The following ARHGEF18 variants were observed in gnomAD, a reference collection of about 807,000 sequenced individuals.
ARHGEF18 encodes the protein rho guanine nucleotide exchange factor 18.
ARHGEF18 carries 93 observed loss-of-function variants against 155.7 expected under a neutral mutation model. The ratio of observed to expected loss-of-function variants is 0.60; its 90% confidence interval spans 0.50 to 0.71. ARHGEF18 has a LOEUF of 0.71. Among genes scored for constraint, ARHGEF18 ranks in the 30% least tolerant of loss-of-function variants. The pLI, the probability that ARHGEF18 is intolerant of heterozygous loss-of-function variation, is 0.00. For missense variants in ARHGEF18, 1,593 were observed against 1,816.1 expected (o/e 0.88, Z 2.23); for synonymous variants, 742 against 753.1 (o/e 0.99, Z 0.24).
Position 7,383,042 on chromosome 19 carries a change from C to A in ARHGEF18, c.826-20C>A. ...AGTGCCTGCAGAGGGCATCCTGAGA[C>A]CCACCTCTGTCCCATCCAGGGGAAG... On this transcript the variant is annotated intron_variant, in intron 9 of 28. Transcript: ENST00000668164. The A allele has an allele frequency of 8.1e-7, 1 of 1,232,406 alleles. No homozygotes were observed. The highest frequency in any genetic ancestry group is 1.0e-6 in the Non-Finnish European group (1 of 988,158). The allele number at this position is 1,232,406 out of a possible 1,614,324, so 76.3% of individuals were successfully genotyped here. A position where few individuals can be genotyped will look rare whatever the true frequency, so the allele number is the denominator to read the frequency against.
chr19:7,395,740 T>G lies in ARHGEF18; in HGVS notation c.967+12537T>G, dbSNP rs1359256372. ...AAAACCGTGAGAACTATCTGTGCCA[T>G]GGGTTTTAGTTTCTTGTATAAGAAC... On this transcript the variant is annotated intron_variant, in intron 10 of 28. Coordinates refer to ENST00000668164, the MANE Select transcript of ARHGEF18 (RefSeq NM_001367823.1). This position sits in a 1 kb window ranked among gnomAD's most constrained non-coding sequence, Gnocchi z 5.0. 1.3e-5 allele frequency among the ~76,000 whole-genome samples: 2 copies of G among 152,114 alleles called. No homozygotes were observed. Among genetic ancestry groups the G allele is most frequent in the African/African-American group, 4.8e-5 (2 of 41,446 alleles).
intron 1 of ARHGEF18, among the ~76,000 whole-genome samples, chr19:7,351,623 A>C (rs1333877972): frequency 2.0e-5 from 3 of 150,722 alleles, no homozygotes; most frequent in Admixed American, 6.6e-5. Context: ...GTGCCCAGCT[A>C]GAGTGGACTT....
chr19:7,422,482 C>A (rs574281833), intron 10 of ARHGEF18, among the ~76,000 whole-genome samples: 1 of 151,942 alleles, frequency 6.6e-6, no homozygotes, highest in South Asian at 2.1e-4. Flanking sequence ...ATCCTTCTTT[C>A]TTCTAATGAC....
At chr19:7,381,128 C>G in intron 8 of ARHGEF18, 134 bp downstream of exon 8, 1 of 610,628 alleles carries the variant, frequency 1.6e-6, no homozygotes, top group Non-Finnish European at 2.4e-6. Flanking sequence ...TGGGAGCTGG[C>G]AGGAAAGGGA....
At chr19:7,351,864 T>G (rs1174307130) in intron 1 of ARHGEF18, among the ~76,000 whole-genome samples, 1 of 151,970 alleles carries the variant, frequency 6.6e-6, no homozygotes, top group Non-Finnish European at 1.5e-5. Flanking sequence ...CTGGCTAATT[T>G]TAGTAGTTTT....
chr19:7,425,681 CAAAAA>C (rs1247648498), intron 10 of ARHGEF18, among the ~76,000 whole-genome samples: 1 of 93,968 alleles, frequency 1.1e-5, no homozygotes. Context: ...GACTCCGTCT[CAAAAA>C]AAAAAAAAAA....
downstream of ARHGEF18, chr19:7,477,346 G>A (rs766238240): frequency 9.0e-6 from 14 of 1,559,110 alleles, no homozygotes; most frequent in Admixed American, 7.8e-5. Flanking sequence ...AGTGCACGGC[G>A]TTGGCCAGGT....
intron 10 of ARHGEF18, among the ~76,000 whole-genome samples, chr19:7,412,437 G>A (rs1231295738): frequency 2.0e-5 from 3 of 151,038 alleles, no homozygotes; most frequent in East Asian, 4.0e-4. Context: ...CTTAATTTTC[G>A]GTTTTTTAAA....
At chr19:7,416,304 G>T (rs1277402127) in intron 10 of ARHGEF18, among the ~76,000 whole-genome samples, 6 of 152,030 alleles carry the variant, frequency 3.9e-5, no homozygotes, top group Admixed American at 1.3e-4. Flanking sequence ...TACTTGGGAG[G>T]CTGAGGCAGG....
At chr19:7,425,804 AGCCTGG>A (rs1973629427) in intron 10 of ARHGEF18, among the ~76,000 whole-genome samples, 1 of 152,122 alleles carries the variant, frequency 6.6e-6, no homozygotes, top group Admixed American at 6.6e-5. Context: ...GTTCAAGACC[AGCCTGG>A]GCAACATAGC....
At chr19:7,435,436 G>A (rs145340134) in intron 10 of ARHGEF18, among the ~76,000 whole-genome samples, 200 of 152,284 alleles carry the variant, frequency 1.3e-3, no homozygotes, top group African/African-American at 4.4e-3. Context: ...GGTCAGTTGA[G>A]GGACAGAGGG....
At position 7,395,626 on chromosome 19, in the gene ARHGEF18, A is replaced by G. The variant is rs1287335157; in HGVS notation, c.967+12423A>G. Among the ~76,000 whole-genome samples the G allele has an allele frequency of 6.6e-6, 1 of 151,962 alleles. No individual in the cohort carries two copies. The highest frequency in any genetic ancestry group is 2.4e-5 in the African/African-American group (1 of 41,364). ...CAGGGATGGAATGGAACCCACCACA[A>G]TACCCAGCACCGTCGTATTTCAGGC... On this transcript the variant is annotated intron_variant, in intron 10 of 28. Coordinates refer to ENST00000668164, the MANE Select transcript of ARHGEF18 (RefSeq NM_001367823.1). This position sits in a 1 kb window ranked among gnomAD's most constrained non-coding sequence, Gnocchi z 5.0.
intron 1 of ARHGEF18, among the ~76,000 whole-genome samples, chr19:7,349,677 C>T (rs948124514): frequency 6.6e-6 from 1 of 152,020 alleles, no homozygotes; most frequent in Non-Finnish European, 1.5e-5. Flanking sequence ...ACTCGGGAGG[C>T]TGAGGCAGGA....
rs1358709378 is a variant in ARHGEF18 at position 7,440,854 on chromosome 19, C to T, written c.1106+372C>T. 9.2e-5 allele frequency among the ~76,000 whole-genome samples: 14 copies of T among 152,074 alleles called. No homozygotes were observed. On this transcript the variant is annotated intron_variant, in intron 11 of 28. Transcript: ENST00000668164. The surrounding 1 kb of genome is among the most constrained non-coding windows in gnomAD (Gnocchi z 5.4). ...CGTTTTATAGGACTTCAAAGTGGTT[C>T]CCTTGATAATGCCTGCAGCGGTGTC...
At chr19:7,359,439 T>G (rs1969453177) in intron 1 of ARHGEF18, among the ~76,000 whole-genome samples, 1 of 151,986 alleles carries the variant, frequency 6.6e-6, no homozygotes, top group Admixed American at 6.6e-5. Flanking sequence ...GGATTGGAGC[T>G]CAGTCTATGA....
chr19:7,369,252 G>A (rs1357797477), intron 2 of ARHGEF18, among the ~76,000 whole-genome samples: 3 of 151,844 alleles, frequency 2.0e-5, no homozygotes, highest in Non-Finnish European at 2.9e-5. Flanking sequence ...ATCTGAGGTC[G>A]GGGGTTTGAG....
chr19:7,367,564 T>C, intron 2 of ARHGEF18, among the ~76,000 whole-genome samples: 1 of 151,462 alleles, frequency 6.6e-6, no homozygotes, highest in Non-Finnish European at 1.5e-5. Context: ...CTGGCCAACA[T>C]GGTAAAACCC....
intron 22 of ARHGEF18, 85 bp downstream of exon 22, chr19:7,464,040 C>CT: frequency 6.9e-7 from 1 of 1,452,476 alleles, no homozygotes. Flanking sequence ...CTAGAACTTT[C>CT]TTTTTTGTTG....
In ARHGEF18 at chr19:7,351,282, GC is replaced by G. The variant is rs1969149025; in HGVS notation, c.-111+2042del. ...ACCCATGGTGGATCTCAATCTGTAA[GC>G]AAGTCTGCTAGAGTGGACTTCTTTT... On this transcript the variant is annotated intron_variant, in intron 1 of 28. Coordinates refer to ENST00000668164, the MANE Select transcript of ARHGEF18 (RefSeq NM_001367823.1). 2.0e-5 allele frequency among the ~76,000 whole-genome samples: 3 copies of G among 152,170 alleles called. No individual in the cohort carries two copies. The South Asian group carries it at 6.2e-4, about 32-fold the overall frequency.
Sources: gnomAD v4.1 joint callset for allele counts (sites outside exome capture counted in the v4.1 genomes callset) on GRCh38, gnomAD v4.1.1 for gene constraint, Gnocchi (gnomAD v3.1) non-coding constraint, MANE v1.5 for transcripts, NCBI Gene and HGNC (gene_info 2026-07-23, HGNC 2026-07-21) for gene names.